PCDHGA5: variants seen among roughly 807,000 people sequenced by gnomAD.
PCDHGA5 encodes the protein protocadherin gamma subfamily A, 5.
A neutral mutation model predicts 56.7 loss-of-function variants in PCDHGA5; 36 were observed. The ratio of observed to expected loss-of-function variants is 0.64; its 90% CI spans 0.49 to 0.84. The LOEUF is 0.84. Among genes scored for constraint, PCDHGA5 ranks in the 40% least tolerant of loss-of-function variants. PCDHGA5 has a pLI of 0.00. For synonymous variants in PCDHGA5, 563 were observed against 520.2 expected (o/e 1.08, Z -1.12); for missense variants, 1,305 against 1,201.5 (o/e 1.09, Z -1.27).
At chr5:141,420,218 C>T (rs762476625) in intron 1 of PCDHGA5, 11 of 1,608,290 alleles carry the variant, frequency 6.8e-6, no homozygotes, top group Admixed American at 1.7e-5. Flanking sequence ...AGATAGCATG[C>T]TACTGGCTAG....
At chr5:141,429,814 T>C (rs554065871) in intron 1 of PCDHGA5, among the ~76,000 whole-genome samples, 3 of 152,322 alleles carry the variant, frequency 2.0e-5, no homozygotes, top group African/African-American at 7.2e-5. Flanking sequence ...TAATTACAAT[T>C]AGGTCAGTTA....
intron 1 of PCDHGA5, chr5:141,396,447 C>A: frequency 6.6e-6 from 1 of 152,186 alleles, no homozygotes. Flanking sequence ...GGTGAAACCC[C>A]GTCTCTACTA....
chr5:141,383,492 G>T (rs1012277194), intron 1 of PCDHGA5: 11 of 1,613,178 alleles, frequency 6.8e-6, no homozygotes, highest in Non-Finnish European at 9.3e-6. Context: ...GTGCTGGAGC[G>T]GGTGCTGGAC....
rs553104661 is a variant in PCDHGA5 at position 141,460,009 on chromosome 5, C to T, written c.2422-34798C>T. ...AGGAGAATCGCTTGAACCCAGGAGG[C>T]GGAGGTTGCAGTGAGCCGAGACTGC... On this transcript the variant is annotated intron_variant, in intron 1 of 3. Coordinates refer to ENST00000518069, the MANE Select transcript of PCDHGA5 (RefSeq NM_018918.3). 9.9e-4 allele frequency among the ~76,000 whole-genome samples: 150 copies of T among 152,212 alleles called. 1 individual carries two copies. The highest frequency in any genetic ancestry group is 3.4e-3 in the Middle Eastern group (1 of 294).
At chr5:141,455,411 G>T (rs1292246147) in intron 1 of PCDHGA5, among the ~76,000 whole-genome samples, 1 of 152,096 alleles carries the variant, frequency 6.6e-6, no homozygotes, top group Non-Finnish European at 1.5e-5. Context: ...AGAGACAGAG[G>T]GAGCGGGGCT....
chr5:141,457,708 T>C (rs1160977721), intron 1 of PCDHGA5, among the ~76,000 whole-genome samples: 1 of 152,260 alleles, frequency 6.6e-6, no homozygotes, highest in Admixed American at 6.5e-5. Context: ...GATGAAACAC[T>C]GTTCCACAAG....
chr5:141,451,301 G>T (rs963686418), intron 1 of PCDHGA5, among the ~76,000 whole-genome samples: 3 of 152,196 alleles, frequency 2.0e-5, no homozygotes, highest in Non-Finnish European at 4.4e-5. Flanking sequence ...AGTCTTACAA[G>T]GCAGCAATTA....
intron 1 of PCDHGA5, chr5:141,379,179 T>C (rs1440992563): frequency 6.6e-6 from 1 of 152,218 alleles, no homozygotes; most frequent in Non-Finnish European, 1.5e-5. Context: ...AAAGATAACA[T>C]TGAGTTGATG....
chr5:141,413,541 G>A, intron 1 of PCDHGA5: 1 of 1,613,904 alleles, frequency 6.2e-7, no homozygotes, highest in Non-Finnish European at 8.5e-7. Flanking sequence ...AACTTTTTGG[G>A]ATAGAAATAG....
intron 1 of PCDHGA5, chr5:141,492,005 C>A (rs1444993907): frequency 3.1e-6 from 2 of 642,268 alleles, no homozygotes; most frequent in African/African-American, 3.8e-5. Flanking sequence ...GGGCGATTTC[C>A]GCGGGTGTCG....
Position 141,383,013 on chromosome 5 carries a change from G to A in PCDHGA5, c.2421+16262G>A, listed in dbSNP as rs1209966350. Reference sequence around the variant, plus strand: ...GTATTCTCTACTCCGTGTCGGAGGAGACGGACAAAGGGTCCTTTGTGGGAG... The same window carrying A: ...GTATTCTCTACTCCGTGTCGGAGGAAACGGACAAAGGGTCCTTTGTGGGAG... On this transcript the variant is annotated intron_variant, in intron 1 of 3. Coordinates refer to ENST00000518069, the MANE Select transcript of PCDHGA5 (RefSeq NM_018918.3). 6 of 1,613,828 alleles carry A rather than the reference G, an allele frequency of 3.7e-6. No individual in the cohort carries two copies. The East Asian group carries it at 6.7e-5, about 18-fold the overall frequency.
chr5:141,418,677 T>A (rs1717013168), intron 1 of PCDHGA5: 1 of 1,613,930 alleles, frequency 6.2e-7, no homozygotes, highest in African/African-American at 1.3e-5. Flanking sequence ...GACGAGGGCA[T>A]CAACTCAGAG....
At chr5:141,413,460 C>T (rs1561742736) in intron 1 of PCDHGA5, 4 of 1,613,974 alleles carry the variant, frequency 2.5e-6, no homozygotes, top group Middle Eastern at 1.6e-4. Context: ...GCAGGATAGA[C>T]CGGGAGGAGC....
intron 1 of PCDHGA5, chr5:141,419,658 A>C: frequency 1.9e-6 from 3 of 1,612,782 alleles, no homozygotes; most frequent in Non-Finnish European, 2.5e-6. Context: ...GACTCGGGGC[A>C]CAATGCCTGG....
chr5:141,498,197 A>C (rs1191884415), intron 2 of PCDHGA5, among the ~76,000 whole-genome samples: 1 of 152,246 alleles, frequency 6.6e-6, no homozygotes. Flanking sequence ...AACCAGCTAA[A>C]GAAAAGAAGG....
chr5:141,364,326 A>T lies in PCDHGA5; in HGVS notation c.-5A>T, dbSNP rs1186255733. On this transcript the variant is annotated 5_prime_UTR_variant, in exon 1 of 4. The change creates a new upstream start codon in the 5' untranslated region. Coordinates refer to ENST00000518069, the MANE Select transcript of PCDHGA5 (RefSeq NM_018918.3). ...ACTAAGAGAAAATTGGGCAGAGAGA[A>T]GGCAATGGCGAGTCCACCTAGGGGC... 11 of 1,528,198 alleles carry T rather than the reference A, an allele frequency of 7.2e-6. No homozygotes were observed. The highest frequency in any genetic ancestry group is 9.6e-6 in the Non-Finnish European group (11 of 1,141,338). The allele number at this position is 1,528,198 out of a possible 1,614,324, so 94.7% of individuals were successfully genotyped here.
At position 141,431,954 on chromosome 5, in the gene PCDHGA5, G is replaced by A. The variant is rs912037044; in HGVS notation, c.2422-62853G>A. 6.2e-7 allele frequency: 1 copy of A among 1,613,992 alleles called. No individual in the cohort carries two copies. Among genetic ancestry groups the A allele is most frequent in the African/African-American group, 1.3e-5 (1 of 74,896 alleles). ...GCCCTTTAAATTAGAAAAATCTTAC[G>A]GAAATTACTATAGTTTAGTCACAGA... is the stretch of plus-strand genomic sequence containing the variant. On this transcript the variant is annotated intron_variant, in intron 1 of 3. Coordinates refer to ENST00000518069, the MANE Select transcript of PCDHGA5 (RefSeq NM_018918.3). This position sits in a 1 kb window ranked among gnomAD's most constrained non-coding sequence, Gnocchi z 4.8.
rs371232283 is a variant in PCDHGA5, at chr5:141,390,337, C to T, written c.2421+23586C>T. ...CATTGCCTACCCATTTCTCCATATT[C>T]ACAAGAAAATATACATATTTGCAGG... On this transcript the variant is annotated intron_variant, in intron 1 of 3. Coordinates refer to ENST00000518069, the MANE Select transcript of PCDHGA5 (RefSeq NM_018918.3). 9.4e-6 allele frequency: 15 copies of T among 1,595,800 alleles called. No homozygotes were observed. In the African/African-American group the frequency reaches 1.5e-4, roughly 16 times the overall value.
chr5:141,470,986 G>T (rs1215610104), intron 1 of PCDHGA5, among the ~76,000 whole-genome samples: 1 of 151,540 alleles, frequency 6.6e-6, no homozygotes, highest in Non-Finnish European at 1.5e-5. Flanking sequence ...CAAAGTGCTG[G>T]GACTACAGGC....
Sources: gnomAD v4.1 joint callset for allele counts (sites outside exome capture counted in the v4.1 genomes callset) on GRCh38, gnomAD v4.1.1 for gene constraint, Gnocchi (gnomAD v3.1) non-coding constraint, MANE v1.5 for transcripts, NCBI Gene and HGNC (gene_info 2026-07-23, HGNC 2026-07-21) for gene names.